The following UBE2K variants were observed in gnomAD, a reference collection of about 807,000 sequenced individuals.
UBE2K encodes the protein ubiquitin conjugating enzyme E2 K.
In UBE2K, 6 loss-of-function variants were observed where a neutral mutation model predicts 30.0. That is an observed-to-expected ratio of 0.20 (90% CI 0.11 to 0.39). The LOEUF (loss-of-function observed/expected upper bound fraction) is 0.39. UBE2K is among the 10% of genes least tolerant of loss of function. The probability of loss-of-function intolerance (pLI) is 1.00; values close to 1 mark genes in which losing one functional copy is unlikely to be tolerated. For missense variants in UBE2K, 61 were observed against 241.6 expected, an observed-to-expected ratio of 0.25 and a Z score of 4.96; for synonymous variants, 86 against 83.7, an observed-to-expected ratio of 1.03 and a Z score of -0.15.
In UBE2K at chr4:39,781,136, A is replaced by G. The variant is rs1186072155; in HGVS notation, c.*2702A>G. 4 of 152,114 alleles carry G rather than the reference A, an allele frequency of 2.6e-5. No individual in the cohort carries two copies. 9.4% of individuals were successfully genotyped at this position (152,114 alleles called of 1,614,324 possible). ...AATGAATGGCAGTTAGTGGACCCAA[A>G]TAAGTATTCAGTGGTATATAAATAT... On this transcript the variant is annotated 3_prime_UTR_variant, in exon 7 of 7. Coordinates refer to ENST00000261427, the MANE Select transcript of UBE2K (RefSeq NM_005339.5).
At chr4:39,734,158 T>A (rs1276628754) in intron 1 of UBE2K, among the ~76,000 whole-genome samples, 1 of 147,066 alleles carries the variant, frequency 6.8e-6, no homozygotes, top group African/African-American at 2.5e-5. Context: ...CAAACTGGAG[T>A]GCAATGGCGA....
In UBE2K at chr4:39,778,636, G is replaced by C; in HGVS notation, c.*202G>C. The C allele has an allele frequency of 4.7e-6, 2 of 424,250 alleles. No homozygotes were observed. The highest frequency in any genetic ancestry group is 8.3e-6 in the Non-Finnish European group (2 of 239,592). 26.3% of individuals were successfully genotyped at this position (424,250 alleles called of 1,614,324 possible). On this transcript the variant is annotated 3_prime_UTR_variant, in exon 7 of 7. Transcript: ENST00000261427. ...AAACGTCTGTGTAAATTTAAAAAGG[G>C]GAAATACTTTAATTTTTTTTCTTAA... is the stretch of plus-strand genomic sequence containing the variant.
At chr4:39,770,342 G>A (rs1712702867) in intron 4 of UBE2K, 1 of 1,613,606 alleles carries the variant, frequency 6.2e-7, no homozygotes, top group Non-Finnish European at 8.5e-7. Flanking sequence ...GGTGGTTGAG[G>A]TTGTTGCTGT....
intron 4 of UBE2K, among the ~76,000 whole-genome samples, chr4:39,774,091 G>A (rs538390826): frequency 6.6e-6 from 1 of 151,928 alleles, no homozygotes; most frequent in African/African-American, 2.4e-5. Context: ...GAGCTCAGAA[G>A]TTCGATACCA....
chr4:39,731,241 A>AT (rs11393049), intron 1 of UBE2K, among the ~76,000 whole-genome samples: 125,974 of 152,094 alleles, frequency 0.83, 52,664 homozygotes, highest in African/African-American at 0.94. Flanking sequence ...AAATTTACAT[A>AT]GTGGCTTACA....
At chr4:39,732,223 C>CA (rs1357583249) in intron 1 of UBE2K, among the ~76,000 whole-genome samples, 1 of 152,146 alleles carries the variant, frequency 6.6e-6, no homozygotes, top group Non-Finnish European at 1.5e-5. Context: ...CCTTAGTTGA[C>CA]AGAGGATGAA....
chr4:39,761,837 G>A (rs978633179), intron 4 of UBE2K, among the ~76,000 whole-genome samples: 8 of 151,856 alleles, frequency 5.3e-5, no homozygotes, highest in Admixed American at 5.3e-4. Context: ...TTATATTATC[G>A]AAGATACAGT....
intron 3 of UBE2K, among the ~76,000 whole-genome samples, chr4:39,751,872 C>T (rs545580139): frequency 1.6e-3 from 239 of 152,086 alleles, no homozygotes; most frequent in African/African-American, 5.6e-3. Context: ...GAGACTGAGG[C>T]GGGAGAGTCA....
rs1056861049 is a variant in UBE2K, at chr4:39,781,898, T to G, written c.*3464T>G. ...AAAGTAAATGCTTACCATCAGCCAG[T>G]TGCTGTCACTGGGAAGAAGGCAACT... On this transcript the variant is annotated 3_prime_UTR_variant, in exon 7 of 7. Coordinates refer to ENST00000261427, the MANE Select transcript of UBE2K (RefSeq NM_005339.5). The G allele has an allele frequency of 2.0e-5, 8 of 398,310 alleles. No individual in the cohort carries two copies. Among genetic ancestry groups the G allele is most frequent in the Non-Finnish European group, 3.5e-5 (8 of 225,884 alleles). The allele number at this position is 398,310 out of a possible 1,614,324, so 24.7% of individuals were successfully genotyped here.
intron 4 of UBE2K, among the ~76,000 whole-genome samples, chr4:39,759,081 T>C (rs1711693077): frequency 6.6e-6 from 1 of 152,156 alleles, no homozygotes; most frequent in Non-Finnish European, 1.5e-5. Flanking sequence ...CATATTTAAA[T>C]GTGGATGTTT....
In UBE2K at chr4:39,731,865, TA is replaced by T. The variant is rs1225175201; in HGVS notation, c.64-5551del. On this transcript the variant is annotated intron_variant, in intron 1 of 6. Coordinates refer to ENST00000261427, the MANE Select transcript of UBE2K (RefSeq NM_005339.5). ...GCATGACAATGATGAGCAGGGCTCC[TA>T]AAACAGTTGTGGCTTGACTAGGAAA... Among the ~76,000 whole-genome samples, 21 of 152,338 alleles carry T rather than the reference TA, an allele frequency of 1.4e-4. No individual in the cohort carries two copies. The South Asian group carries it at 2.5e-3, about 18-fold the overall frequency.
intron 4 of UBE2K, among the ~76,000 whole-genome samples, chr4:39,757,011 G>GTTTTTTTTTTTTTTTTTTTTTTTTTTTT (rs1354761879): frequency 1.3e-5 from 1 of 76,824 alleles, no homozygotes; most frequent in Non-Finnish European, 2.5e-5. Context: ...TTTTTTTTTT[G>GTTTTTTTTTTTTTTTTTTTTTTTTTTTT]TTTTTTGTTT....
intron 1 of UBE2K, among the ~76,000 whole-genome samples, chr4:39,704,542 TTTTA>T (rs944559550): frequency 8.6e-5 from 13 of 151,906 alleles, no homozygotes; most frequent in African/African-American, 3.1e-4. Context: ...CTTCTTCCCT[TTTTA>T]TTTATTTATT....
At chr4:39,725,047 G>A (rs991402423) in intron 1 of UBE2K, among the ~76,000 whole-genome samples, 3 of 151,834 alleles carry the variant, frequency 2.0e-5, no homozygotes, top group African/African-American at 7.3e-5. Flanking sequence ...TGCAAGTATT[G>A]CACAAATGCA....
intron 4 of UBE2K, chr4:39,770,726 C>G (rs1377019643): frequency 1.4e-5 from 22 of 1,580,642 alleles, no homozygotes; most frequent in Non-Finnish European, 1.9e-5. Flanking sequence ...GGTGGCCACC[C>G]ACGGAGCCTC....
chr4:39,725,377 C>CA lies in UBE2K; in HGVS notation c.64-12014dup, dbSNP rs56021137. On this transcript the variant is annotated intron_variant, in intron 1 of 6. Coordinates refer to ENST00000261427, the MANE Select transcript of UBE2K (RefSeq NM_005339.5). ...TGGGTGACAGAGCAAGACCCTGTCTCAAAAAAAAAAAAAAAAAAAAAAAAA... is the reference window on the plus strand; with the variant it reads ...TGGGTGACAGAGCAAGACCCTGTCTCAAAAAAAAAAAAAAAAAAAAAAAAAA... 6.2e-3 allele frequency among the ~76,000 whole-genome samples: 429 copies of CA among 69,278 alleles called. 16 individuals are homozygous for CA. The highest frequency in any genetic ancestry group is 9.3e-3 in the Middle Eastern group (1 of 108). The allele number at this position is 69,278 out of a possible 152,430, so 45.4% of individuals were successfully genotyped here. A position where few individuals can be genotyped will look rare whatever the true frequency, so the allele number is the denominator to read the frequency against.
At chr4:39,705,789 C>G (rs1718323816) in intron 1 of UBE2K, among the ~76,000 whole-genome samples, 1 of 151,106 alleles carries the variant, frequency 6.6e-6, no homozygotes, top group South Asian at 2.1e-4. Flanking sequence ...CCAGGTTCAA[C>G]CAATACCTCA....
intron 1 of UBE2K, among the ~76,000 whole-genome samples, chr4:39,735,837 TA>T (rs942314506): frequency 2.4e-4 from 36 of 152,056 alleles, no homozygotes; most frequent in Non-Finnish European, 4.3e-4. Context: ...CAGAAAAATG[TA>T]AAAAAAAGTA....
intron 4 of UBE2K, chr4:39,771,350 CCT>C: frequency 1.2e-6 from 2 of 1,612,718 alleles, no homozygotes; most frequent in Non-Finnish European, 1.7e-6. Context: ...CAGAACCACT[CCT>C]CTGCCCGGAG....
Sources: allele counts gnomAD v4.1 joint callset (sites outside exome capture counted in the v4.1 genomes callset), GRCh38; gene constraint gnomAD v4.1.1; transcripts MANE v1.5; gene names NCBI Gene and HGNC (gene_info 2026-07-23, HGNC 2026-07-21).